AMPD3: variants seen among roughly 807,000 people sequenced by gnomAD.
AMPD3 encodes the protein adenosine monophosphate deaminase 3.
Under a neutral mutation model 82.3 loss-of-function variants are expected in AMPD3, and 57 were observed. The ratio of observed to expected loss-of-function variants is 0.69; its 90% CI spans 0.56 to 0.86. AMPD3 has a LOEUF of 0.86. Among genes scored for constraint, AMPD3 ranks in the 40% least tolerant of loss-of-function variants. The pLI is 0.00. For missense variants in AMPD3, 870 were observed against 1,003.8 expected, an observed-to-expected ratio of 0.87 and a Z score of 1.80; for synonymous variants, 381 against 394.7, an observed-to-expected ratio of 0.97 and a Z score of 0.41.
chr11:10,497,523 G>A, intron 10 of AMPD3: 6 of 962,400 alleles, frequency 6.2e-6, no homozygotes, highest in Non-Finnish European at 7.4e-6. Context: ...ATCAGATGGT[G>A]ATACAGGCCA....
Position 10,504,674 on chromosome 11 carries a change from G to A in AMPD3, c.2127+15G>A, listed in dbSNP as rs769267227. ...TCTCGCATCAGGTATGGAGTGTGAC[G>A]GTGCTGCCTGTGTCCCTCCTGGGAA... On this transcript the variant is annotated intron_variant, in intron 14 of 14. Transcript: ENST00000396553. 7.5e-6 allele frequency: 12 copies of A among 1,610,582 alleles called. No individual in the cohort carries two copies. In the South Asian group the frequency reaches 8.8e-5, roughly 12 times the overall value.
intron 8 of AMPD3, 146 bp downstream of exon 8, chr11:10,495,176 G>A: frequency 2.5e-6 from 4 of 1,587,592 alleles, no homozygotes; most frequent in Non-Finnish European, 3.4e-6. Context: ...CAGGTGCCCA[G>A]TGCTGTGGTC....
chr11:10,494,416 G>A, intron 7 of AMPD3: 1 of 337,966 alleles, frequency 3.0e-6, no homozygotes. Context: ...GGTGATGGTT[G>A]CACAACAATG....
intron 4 of AMPD3, among the ~76,000 whole-genome samples, chr11:10,483,959 A>C (rs573876765): frequency 2.6e-5 from 4 of 152,376 alleles, no homozygotes; most frequent in African/African-American, 9.6e-5. Flanking sequence ...TAGCATCAAT[A>C]CACTCCTTGG....
intron 4 of AMPD3, among the ~76,000 whole-genome samples, chr11:10,482,521 C>T (rs11042838): frequency 0.055 from 8,195 of 149,596 alleles, 278 homozygotes; most frequent in Non-Finnish European, 0.083. Context: ...TTTTTTTTTT[C>T]TTTTTTTTTG....
rs987653447 is a variant in AMPD3 at position 10,505,973 on chromosome 11, C to G, written c.*89C>G. ...GGTCAAGATTCCGAACTAGGACTTT[C>G]CTCTGTGAAGAGGATGCCTCTGAAG... On this transcript the variant is annotated 3_prime_UTR_variant, in exon 15 of 15. Coordinates refer to ENST00000396553, the MANE Select transcript of AMPD3 (RefSeq NM_001025389.2). 6.6e-6 allele frequency: 10 copies of G among 1,510,102 alleles called. No homozygotes were observed. In the Admixed American group the frequency reaches 1.2e-4, roughly 18 times the overall value. The allele number at this position is 1,510,102 out of a possible 1,614,324, so 93.5% of individuals were successfully genotyped here.
At chr11:10,489,579 C>G (rs1849180535) in intron 6 of AMPD3, among the ~76,000 whole-genome samples, 1 of 152,138 alleles carries the variant, frequency 6.6e-6, no homozygotes, top group South Asian at 2.1e-4. Context: ...ACCCAGTGGC[C>G]TGTTCTTAGG....
At chr11:10,489,965 G>A (rs1443356628) in intron 6 of AMPD3, among the ~76,000 whole-genome samples, 4 of 152,174 alleles carry the variant, frequency 2.6e-5, no homozygotes, top group Non-Finnish European at 5.9e-5. Flanking sequence ...ACAGGCGTGG[G>A]TCACCACACC....
chr11:10,488,287 G>T (rs780036960), intron 6 of AMPD3: 1 of 985,342 alleles, frequency 1.0e-6, no homozygotes, highest in African/African-American at 1.7e-5. Context: ...GGCAGGGGGT[G>T]TTTGATGGTG....
At chr11:10,499,726 C>G in intron 10 of AMPD3, 1 of 985,430 alleles carries the variant, frequency 1.0e-6, no homozygotes, top group Non-Finnish European at 1.2e-6. Context: ...GCAATGGCCA[C>G]TCCTCCCTGC....
chr11:10,450,790 C>G, upstream of AMPD3: 1 of 1,174,056 alleles, frequency 8.5e-7, no homozygotes. Flanking sequence ...GGGCTGCACG[C>G]GGCTGGCCGG....
intron 3 of AMPD3, 196 bp from the exon 4 acceptor site, chr11:10,481,867 C>T: frequency 1.5e-6 from 1 of 667,570 alleles, no homozygotes; most frequent in South Asian, 1.7e-5. Context: ...AGCAGGTGTC[C>T]AACATAAACC....
At chr11:10,492,948 C>CGTG (rs1849281083) in intron 6 of AMPD3, among the ~76,000 whole-genome samples, 2 of 152,038 alleles carry the variant, frequency 1.3e-5, no homozygotes, top group South Asian at 4.2e-4. Flanking sequence ...GTGGTGTACC[C>CGTG]GTAAGTGGTT....
At chr11:10,463,268 A>C (rs990129985) in intron 2 of AMPD3, among the ~76,000 whole-genome samples, 4 of 152,198 alleles carry the variant, frequency 2.6e-5, no homozygotes, top group African/African-American at 9.7e-5. Context: ...CTACTGGTGT[A>C]AAGGCAAGAA....
At chr11:10,485,071 T>C in intron 5 of AMPD3, 32 bp downstream of exon 5, 1 of 1,585,230 alleles carries the variant, frequency 6.3e-7, no homozygotes, top group Non-Finnish European at 8.6e-7. Flanking sequence ...TGCCTGTCTT[T>C]GCACAGGTGC....
chr11:10,483,582 T>C (rs954039028), intron 4 of AMPD3, among the ~76,000 whole-genome samples: 1 of 152,204 alleles, frequency 6.6e-6, no homozygotes. Context: ...GGCATGAGTA[T>C]GGGGAAGAGG....
At position 10,502,738 on chromosome 11, in the gene AMPD3, TCTCTACTACCTTG is replaced by T; in HGVS notation, c.1864_1876del (p.Tyr622ArgfsTer23). ...TTTTGCAGAGTCCGGTATTGCAGTA[TCTCTACTACCTTG>T]CTCAGATCCCCATTGCCATGTCTCC... On this transcript the variant is annotated frameshift_variant, in exon 13 of 15. Transcript: ENST00000396553. LOFTEE classifies it high-confidence loss of function. 2 of 1,614,216 alleles carry T rather than the reference TCTCTACTACCTTG, an allele frequency of 1.2e-6. No homozygotes were observed. Among genetic ancestry groups the T allele is most frequent in the Non-Finnish European group, 1.7e-6 (2 of 1,180,024 alleles).
In AMPD3 at chr11:10,505,891, C is replaced by T. The variant is rs778046344; in HGVS notation, c.*7C>T. On this transcript the variant is annotated 3_prime_UTR_variant, in exon 15 of 15. Coordinates refer to ENST00000396553, the MANE Select transcript of AMPD3 (RefSeq NM_001025389.2). ...CACCGCCTTGACCAACTAGGTCCAGCATTTGACATGCATTTTAACTTTTTG... is the reference window on the plus strand; with the variant it reads ...CACCGCCTTGACCAACTAGGTCCAGTATTTGACATGCATTTTAACTTTTTG... 6.2e-7 allele frequency: 1 copy of T among 1,613,956 alleles called. No individual in the cohort carries two copies. Among genetic ancestry groups the T allele is most frequent in the Non-Finnish European group, 8.5e-7 (1 of 1,180,004 alleles).
At chr11:10,472,211 C>T (rs1169555285) in intron 2 of AMPD3, among the ~76,000 whole-genome samples, 7 of 152,098 alleles carry the variant, frequency 4.6e-5, no homozygotes, top group East Asian at 3.9e-4. Context: ...CCAAACATCG[C>T]ATGTTCTCAC....
Sources: gnomAD v4.1 joint callset for allele counts (sites outside exome capture counted in the v4.1 genomes callset) on GRCh38, gnomAD v4.1.1 for gene constraint, MANE v1.5 for transcripts, NCBI Gene and HGNC (gene_info 2026-07-23, HGNC 2026-07-21) for gene names.